Variants in EBF2 observed in about 807,000 individuals in gnomAD.
EBF2 encodes EBF transcription factor 2, also known as transcription factor COE2.
EBF2 carries 21 observed loss-of-function variants against 72.8 expected under a neutral mutation model. The observed-to-expected ratio is 0.29, with a 90% confidence interval of 0.20 to 0.42. The LOEUF (loss-of-function observed/expected upper bound fraction) is 0.42. Among genes scored for constraint, EBF2 ranks in the 10% least tolerant of loss-of-function variants. The probability of loss-of-function intolerance (pLI) is 1.00; values close to 1 mark genes in which losing one functional copy is unlikely to be tolerated. For missense variants in EBF2, 637 were observed against 731.2 expected (o/e 0.87, Z 1.49); for synonymous variants, 299 against 274.2 (o/e 1.09, Z -0.89).
At chr8:25,923,589 G>A (rs1380748086) in intron 6 of EBF2, among the ~76,000 whole-genome samples, 1 of 151,696 alleles carries the variant, frequency 6.6e-6, no homozygotes, top group Admixed American at 6.5e-5. Context: ...TGTTTTTTTT[G>A]TTGTTGTTTG....
intron 6 of EBF2, among the ~76,000 whole-genome samples, chr8:25,922,230 C>T (rs185075242): frequency 6.7e-6 from 1 of 148,968 alleles, no homozygotes; most frequent in Non-Finnish European, 1.5e-5. Flanking sequence ...AACTTCCAAA[C>T]TGATGAGGCT....
chr8:25,886,968 C>T, intron 9 of EBF2, 87 bp from the exon 10 acceptor site: 1 of 1,453,174 alleles, frequency 6.9e-7, no homozygotes. Flanking sequence ...CCCACTATTG[C>T]TCCCCAGGGG....
chr8:25,877,253 C>A (rs1238917203), intron 10 of EBF2, among the ~76,000 whole-genome samples: 2 of 152,150 alleles, frequency 1.3e-5, no homozygotes, highest in African/African-American at 2.4e-5. Flanking sequence ...CTGTTGGGTG[C>A]CCCTACTAGG....
At chr8:26,041,337 C>A in intron 2 of EBF2, 1 of 339,724 alleles carries the variant, frequency 2.9e-6, no homozygotes, top group South Asian at 4.0e-5. Context: ...CTCTGTCTGT[C>A]CTTAGGAAGC....
chr8:25,844,801 A>C (rs1033687749), intron 15 of EBF2, among the ~76,000 whole-genome samples, 161 bp from the exon 16 acceptor site: 1 of 152,206 alleles, frequency 6.6e-6, no homozygotes, highest in Non-Finnish European at 1.5e-5. Flanking sequence ...GGTTTGGTCT[A>C]GCAGACAGCC....
intron 7 of EBF2, among the ~76,000 whole-genome samples, chr8:25,907,586 A>T (rs748465613): frequency 2.6e-5 from 4 of 151,872 alleles, no homozygotes; most frequent in Non-Finnish European, 5.9e-5. Flanking sequence ...TTTACCACCT[A>T]CTTACTGTGA....
At chr8:25,896,186 A>C (rs1414504950) in intron 7 of EBF2, among the ~76,000 whole-genome samples, 1 of 152,204 alleles carries the variant, frequency 6.6e-6, no homozygotes, top group Non-Finnish European at 1.5e-5. Flanking sequence ...CGACAATTCC[A>C]ATGTCTGCAG....
In EBF2 at chr8:25,889,741, G is replaced by A; in HGVS notation, c.751+11C>T. 6.2e-7 allele frequency: 1 copy of A among 1,604,438 alleles called. No individual in the cohort carries two copies. The highest frequency in any genetic ancestry group is 8.5e-7 in the Non-Finnish European group (1 of 1,171,296). Reference sequence around the variant, plus strand: ...TCATGTGTCTGCTATGCTGAGCGCAGGCAGCCCTACCTTCCGATGGATCGA... The same window carrying A: ...TCATGTGTCTGCTATGCTGAGCGCAAGCAGCCCTACCTTCCGATGGATCGA... On this transcript the variant is annotated intron_variant, in intron 8 of 15. Coordinates refer to ENST00000520164, the MANE Select transcript of EBF2 (RefSeq NM_022659.4).
intron 13 of EBF2, among the ~76,000 whole-genome samples, 184 bp from the exon 14 acceptor site, chr8:25,858,688 CTT>C (rs1434439588): frequency 1.9e-4 from 21 of 108,024 alleles, no homozygotes; most frequent in African/African-American, 7.8e-4. Context: ...GAGATAGAGT[CTT>C]ACTCTGTCGC....
At chr8:26,040,497 G>A (rs1470699365) in intron 4 of EBF2, 119 bp downstream of exon 4, 1 of 897,706 alleles carries the variant, frequency 1.1e-6, no homozygotes, top group South Asian at 1.8e-5. Context: ...GGGACGTGGA[G>A]GGGGCTGTGG....
At chr8:26,011,993 A>C (rs1243020706) in intron 6 of EBF2, among the ~76,000 whole-genome samples, 3 of 152,118 alleles carry the variant, frequency 2.0e-5, no homozygotes, top group Non-Finnish European at 2.9e-5. Flanking sequence ...AAAGACCCGA[A>C]GTCTGAGAAA....
chr8:25,979,843 G>C (rs1383994414), intron 6 of EBF2, among the ~76,000 whole-genome samples: 1 of 152,020 alleles, frequency 6.6e-6, no homozygotes, highest in Non-Finnish European at 1.5e-5. Flanking sequence ...GGCTGTTCCG[G>C]CCACAAAATA....
rs1168870415 is a variant in EBF2 at position 25,889,841 on chromosome 8, T to C, written c.662A>G (p.Asp221Gly). ...GTCAGAAACAGCCAGGACGTGTCCA[T>C]CCACATTCACCGTTGTTGACAACAC... ...QVVLSTTVNV[D>G]GHVLAVSDNM... Residue 221 changes from aspartate (D) to glycine (G), a missense_variant, in exon 8 of 16, where the codon GAT (aspartate) becomes GGT (glycine). Asp to Gly is a moderately conservative substitution (Grantham distance 94). Around this residue, in one of 3 missense-constraint regions of EBF2, gnomAD observed 204 missense variants for 301.2 expected, o/e 0.68. Coordinates refer to ENST00000520164, the MANE Select transcript of EBF2 (RefSeq NM_022659.4). 1.9e-6 allele frequency: 3 copies of C among 1,613,828 alleles called. No homozygotes were observed. The Admixed American group carries it at 5.0e-5, about 27-fold the overall frequency.
intron 6 of EBF2, chr8:26,032,812 C>T (rs147191854): frequency 2.9e-5 from 10 of 347,760 alleles, no homozygotes; most frequent in African/African-American, 1.2e-4. Context: ...GAGGTGCCAT[C>T]GCTTATATCC....
chr8:25,936,572 G>A (rs1803582437), intron 6 of EBF2, among the ~76,000 whole-genome samples: 1 of 152,176 alleles, frequency 6.6e-6, no homozygotes, highest in Admixed American at 6.5e-5. Flanking sequence ...GGATGAAGTT[G>A]AGTATTAGTC....
chr8:25,963,170 G>C (rs1043964251), intron 6 of EBF2, among the ~76,000 whole-genome samples: 1 of 152,310 alleles, frequency 6.6e-6, no homozygotes, highest in East Asian at 1.9e-4. Context: ...CAGTGAAGAG[G>C]TCCTTAGTGC....
intron 8 of EBF2, 87 bp from the exon 9 acceptor site, chr8:25,888,059 T>G (rs1399609705): frequency 9.6e-6 from 14 of 1,460,528 alleles, no homozygotes; most frequent in Non-Finnish European, 1.3e-5. Flanking sequence ...GGAAGAAGAA[T>G]TGTCTTGGGC....
At chr8:25,873,369 G>C (rs765730186) in intron 10 of EBF2, among the ~76,000 whole-genome samples, 5 of 152,170 alleles carry the variant, frequency 3.3e-5, no homozygotes, top group Non-Finnish European at 7.3e-5. Context: ...TGGAGCAGTG[G>C]CTTTCTTCTC....
intron 14 of EBF2, among the ~76,000 whole-genome samples, chr8:25,854,413 T>G (rs940244002): frequency 3.3e-5 from 5 of 152,184 alleles, no homozygotes; most frequent in African/African-American, 1.2e-4. Context: ...ATCTGTGACT[T>G]TGGTAATTTT....
Sources: allele counts gnomAD v4.1 joint callset (sites outside exome capture counted in the v4.1 genomes callset), GRCh38; gene constraint gnomAD v4.1.1; regional missense constraint gnomAD v4.1.1; transcripts MANE v1.5; gene names NCBI Gene and HGNC (gene_info 2026-07-23, HGNC 2026-07-21).